The following QTMAN variants were observed in gnomAD, a reference collection of about 807,000 sequenced individuals.
QTMAN encodes the protein tRNA-queuosine alpha-mannosyltransferase.
At chr2:144,231,049 GAAT>G in the QTMAN span, among the ~76,000 whole-genome samples, 2 of 152,216 alleles carry the variant, frequency 1.3e-5, no homozygotes, top group Non-Finnish European at 2.9e-5. Context: ...GTATTCTACA[GAAT>G]AATATGTCAG....
chr2:144,133,492 T>C, the QTMAN span, among the ~76,000 whole-genome samples: 1 of 85,508 alleles, frequency 1.2e-5, no homozygotes, highest in East Asian at 3.1e-4. Flanking sequence ...ATAAAATATA[T>C]ATTATATAAT....
the QTMAN span, among the ~76,000 whole-genome samples, chr2:143,979,886 TTC>T: frequency 1.3e-5 from 2 of 152,308 alleles, no homozygotes; most frequent in Admixed American, 1.3e-4. Context: ...TTTCTGGAGT[TTC>T]TGTTTTTCCT....
the QTMAN span, among the ~76,000 whole-genome samples, chr2:144,127,415 G>C: frequency 3.3e-5 from 5 of 151,946 alleles, no homozygotes; most frequent in Admixed American, 6.6e-5. Context: ...AAAATGACTA[G>C]GACTTACATT....
chr2:144,121,361 CT>C, the QTMAN span, among the ~76,000 whole-genome samples: 1 of 152,198 alleles, frequency 6.6e-6, no homozygotes, highest in Admixed American at 6.5e-5. Flanking sequence ...CCTTGATCCC[CT>C]GTACATGAGG....
the QTMAN span, among the ~76,000 whole-genome samples, chr2:144,113,325 T>C: frequency 6.6e-6 from 1 of 151,464 alleles, no homozygotes; most frequent in Non-Finnish European, 1.5e-5. Context: ...ACACAATGAA[T>C]GAGCTCAACT....
the QTMAN span, among the ~76,000 whole-genome samples, chr2:144,296,738 C>G: frequency 6.6e-6 from 1 of 152,104 alleles, no homozygotes. Context: ...TTCTTATAAA[C>G]TTTAGCTTTA....
the QTMAN span, among the ~76,000 whole-genome samples, chr2:144,152,624 G>A: frequency 6.6e-6 from 1 of 151,768 alleles, no homozygotes. Context: ...ATTTCTTTTG[G>A]GACTGGAGTT....
chr2:144,218,138 T>C, the QTMAN span, among the ~76,000 whole-genome samples: 1 of 152,220 alleles, frequency 6.6e-6, no homozygotes, highest in Non-Finnish European at 1.5e-5. Context: ...TCAAGAGTTG[T>C]ACTATTATCA....
At chr2:144,268,650 A>G in the QTMAN span, among the ~76,000 whole-genome samples, 9 of 152,236 alleles carry the variant, frequency 5.9e-5, no homozygotes, top group African/African-American at 1.2e-4. Context: ...TGTATTTGTT[A>G]TAACAGCCTA....
At chr2:144,287,976 T>G in the QTMAN span, among the ~76,000 whole-genome samples, 1 of 152,166 alleles carries the variant, frequency 6.6e-6, no homozygotes, top group African/African-American at 2.4e-5. Context: ...TGCCTCAGCC[T>G]CCCAAGTAGC....
At chr2:144,168,457 A>C in the QTMAN span, among the ~76,000 whole-genome samples, 4 of 152,208 alleles carry the variant, frequency 2.6e-5, no homozygotes, top group Non-Finnish European at 5.9e-5. Flanking sequence ...TAAAATATTT[A>C]TAGATGAAAT....
At chr2:144,208,824 T>G in the QTMAN span, 1 of 1,448,366 alleles carries the variant, frequency 6.9e-7, no homozygotes, top group South Asian at 1.4e-5. Flanking sequence ...AACCAAAAAA[T>G]GTATATTTTT....
the QTMAN span, among the ~76,000 whole-genome samples, chr2:144,005,088 C>T: frequency 6.6e-6 from 1 of 152,078 alleles, no homozygotes; most frequent in Non-Finnish European, 1.5e-5. Flanking sequence ...TGACATGGCT[C>T]GCTTAGGTAA....
chr2:144,080,148 C>T, the QTMAN span, among the ~76,000 whole-genome samples: 1 of 152,064 alleles, frequency 6.6e-6, no homozygotes, highest in African/African-American at 2.4e-5. Context: ...CAGATCTCCT[C>T]TCAATAAATG....
chr2:144,016,565 AG>A, the QTMAN span, among the ~76,000 whole-genome samples: 7 of 152,242 alleles, frequency 4.6e-5, no homozygotes, highest in Non-Finnish European at 5.9e-5. Context: ...TGTCTCCTAT[AG>A]TATCAATAAA....
chr2:144,219,733 G>A, the QTMAN span, among the ~76,000 whole-genome samples: 1 of 152,064 alleles, frequency 6.6e-6, no homozygotes, highest in Non-Finnish European at 1.5e-5. Flanking sequence ...GAGGTAGGAG[G>A]ATCTCTTGAG....
chr2:144,248,342 T>C, the QTMAN span, among the ~76,000 whole-genome samples: 1 of 152,202 alleles, frequency 6.6e-6, no homozygotes, highest in Non-Finnish European at 1.5e-5. Flanking sequence ...CATGAAAATA[T>C]GAATGGTAAT....
the QTMAN span, chr2:144,006,400 T>C: frequency 6.6e-6 from 1 of 152,086 alleles, no homozygotes. Context: ...TCGGACCTAA[T>C]GATCAGCCTA....
chr2:144,183,345 T>C, the QTMAN span, among the ~76,000 whole-genome samples: 3 of 152,176 alleles, frequency 2.0e-5, no homozygotes, highest in African/African-American at 7.2e-5. Context: ...CATCTGTCTA[T>C]GTTTTTCATG....
Sources: allele counts gnomAD v4.1 joint callset (sites outside exome capture counted in the v4.1 genomes callset), GRCh38; gene constraint gnomAD v4.1.1; transcripts MANE v1.5; gene names NCBI Gene and HGNC (gene_info 2026-07-23, HGNC 2026-07-21).